Variants in ESYT2 observed in about 807,000 individuals in gnomAD.
The protein encoded by ESYT2 is extended synaptotagmin 2.
In ESYT2, 54 loss-of-function variants were observed where a neutral mutation model predicts 107.2. The ratio of observed to expected loss-of-function variants is 0.50; its 90% CI spans 0.40 to 0.63. ESYT2 has a LOEUF of 0.63. ESYT2 is among the 30% of genes least tolerant of loss of function. ESYT2 has a pLI of 0.00. For missense variants in ESYT2, 1,020 were observed against 1,094.5 expected, an observed-to-expected ratio of 0.93 and a Z score of 0.96; for synonymous variants, 491 against 434.1, an observed-to-expected ratio of 1.13 and a Z score of -1.63.
intron 13 of ESYT2, among the ~76,000 whole-genome samples, chr7:158,755,681 T>C (rs1364363456): frequency 6.6e-6 from 1 of 152,166 alleles, no homozygotes; most frequent in Non-Finnish European, 1.5e-5. Context: ...AAAAAGGCCT[T>C]AGACATATAT....
At chr7:158,811,832 A>G (rs1432407153) in intron 1 of ESYT2, among the ~76,000 whole-genome samples, 2 of 152,204 alleles carry the variant, frequency 1.3e-5, no homozygotes, top group African/African-American at 4.8e-5. Context: ...CCAGAATCTG[A>G]GGGGCCAAGA....
At chr7:158,811,534 C>A (rs562431167) in intron 1 of ESYT2, among the ~76,000 whole-genome samples, 5 of 152,298 alleles carry the variant, frequency 3.3e-5, no homozygotes, top group East Asian at 1.9e-4. Context: ...ATGAACCATG[C>A]GCGTTCACAG....
chr7:158,786,361 GT>G (rs1004590422), intron 6 of ESYT2, among the ~76,000 whole-genome samples: 24 of 152,128 alleles, frequency 1.6e-4, no homozygotes, highest in African/African-American at 5.5e-4. Flanking sequence ...GATTACTGAG[GT>G]TTTTTTGGTC....
chr7:158,813,642 T>A (rs1004228135), intron 1 of ESYT2, among the ~76,000 whole-genome samples: 1 of 152,178 alleles, frequency 6.6e-6, no homozygotes, highest in Non-Finnish European at 1.5e-5. Flanking sequence ...CTAAAAGAAA[T>A]ACTAAAGTAA....
At chr7:158,799,660 T>C (rs1839572643) in intron 1 of ESYT2, among the ~76,000 whole-genome samples, 1 of 152,122 alleles carries the variant, frequency 6.6e-6, no homozygotes. Context: ...TAAACTAAAA[T>C]AAAATTCACT....
chr7:158,733,271 G>A lies in ESYT2; in HGVS notation c.*936C>T, dbSNP rs1836806555. On this transcript the variant is annotated 3_prime_UTR_variant, in exon 23 of 23. Coordinates refer to ENST00000275418, the MANE Select transcript of ESYT2 (RefSeq NM_001367773.1). ...CAATCTACCTCACAACCTTTAAAAG[G>A]ACAACGTGTACCTTCCTTTTTTTAT... The A allele has an allele frequency of 1.3e-5, 2 of 152,178 alleles. No homozygotes were observed. The highest frequency in any genetic ancestry group is 4.8e-5 in the African/African-American group (2 of 41,426). 9.4% of individuals were successfully genotyped at this position (152,178 alleles called of 1,614,324 possible). A position where few individuals can be genotyped will look rare whatever the true frequency, so the allele number is the denominator to read the frequency against.
intron 1 of ESYT2, among the ~76,000 whole-genome samples, chr7:158,813,771 T>G (rs1476061026): frequency 1.3e-5 from 2 of 151,604 alleles, no homozygotes; most frequent in Non-Finnish European, 2.9e-5. Flanking sequence ...ATCAAAAACG[T>G]TTTAAAAATA....
rs572940872 is a variant in ESYT2 at position 158,821,800 on chromosome 7, GA to G, written c.330+7288del. On this transcript the variant is annotated intron_variant, in intron 1 of 22. Transcript: ENST00000275418. Reference sequence around the variant, plus strand: ...ATTTCCCTCCAGATGAGACGGCCCAGAAATCTGCCTTTGCAACTGTCCTCCA... The same window carrying G: ...ATTTCCCTCCAGATGAGACGGCCCAGAATCTGCCTTTGCAACTGTCCTCCA... Among the ~76,000 whole-genome samples, 3 of 152,312 alleles carry G rather than the reference GA, an allele frequency of 2.0e-5. No individual in the cohort carries two copies. In the South Asian group the frequency reaches 6.2e-4, roughly 32 times the overall value.
intron 1 of ESYT2, among the ~76,000 whole-genome samples, chr7:158,822,005 G>C (rs1046306011): frequency 3.3e-5 from 5 of 151,938 alleles, no homozygotes; most frequent in African/African-American, 9.7e-5. Flanking sequence ...CCGCCTCCCA[G>C]GTGCTTCTTC....
intron 17 of ESYT2, among the ~76,000 whole-genome samples, chr7:158,742,750 G>T (rs1303963735): frequency 6.6e-6 from 1 of 152,302 alleles, no homozygotes; most frequent in African/African-American, 2.4e-5. Flanking sequence ...CTGGTTTTAG[G>T]AAATAACGCT....
intron 17 of ESYT2, 109 bp downstream of exon 17, chr7:158,743,420 A>G: frequency 1.4e-6 from 2 of 1,416,602 alleles, no homozygotes; most frequent in South Asian, 1.3e-5. Context: ...CCAGAGCTGC[A>G]GCCGACACAG....
intron 1 of ESYT2, among the ~76,000 whole-genome samples, chr7:158,799,927 A>G (rs1839581445): frequency 6.6e-6 from 1 of 152,198 alleles, no homozygotes; most frequent in African/African-American, 2.4e-5. Flanking sequence ...GTTCAAGACC[A>G]GCCTGGCCAA....
Position 158,735,523 on chromosome 7 carries a change from C to G in ESYT2, c.2485G>C (p.Asp829His). 6.2e-7 allele frequency: 1 copy of G among 1,614,124 alleles called. No homozygotes were observed. Among genetic ancestry groups the G allele is most frequent in the South Asian group, 1.1e-5 (1 of 91,068 alleles). The change falls in exon 21 of 23, where the codon GAC becomes CAC. Residue 829 changes from aspartate (D) to histidine (H), a missense_variant. Coordinates refer to ENST00000275418, the MANE Select transcript of ESYT2 (RefSeq NM_001367773.1). Reference protein sequence around the residue: ...VKNSGGFLSKDKGLLGKVLVA... With the variant: ...VKNSGGFLSKHKGLLGKVLVA... Reference sequence around the variant, plus strand: ...CTTACTTTGCCAAGGAGCCCTTTGTCTTTGGACAGGAAGCCGCCACTGTTC... The same window carrying G: ...CTTACTTTGCCAAGGAGCCCTTTGTGTTTGGACAGGAAGCCGCCACTGTTC...
At chr7:158,788,750 TC>T (rs1839190167) in intron 4 of ESYT2, among the ~76,000 whole-genome samples, 1 of 152,264 alleles carries the variant, frequency 6.6e-6, no homozygotes, top group African/African-American at 2.4e-5. Context: ...AACTGCAACT[TC>T]TGAAGCAGTC....
At chr7:158,741,392 A>T in intron 18 of ESYT2, 131 bp downstream of exon 18, 1 of 1,337,292 alleles carries the variant, frequency 7.5e-7, no homozygotes, top group Non-Finnish European at 1.0e-6. Flanking sequence ...GCTTTCAGTT[A>T]ACCTAAGATT....
At chr7:158,762,062 C>G (rs1358527329) in intron 10 of ESYT2, among the ~76,000 whole-genome samples, 1 of 152,076 alleles carries the variant, frequency 6.6e-6, no homozygotes, top group African/African-American at 2.4e-5. Flanking sequence ...CTGCATTGAG[C>G]CCGATGGACG....
At position 158,764,741 on chromosome 7, in the gene ESYT2, T is replaced by C. The variant is rs772641366; in HGVS notation, c.1037A>G (p.Asn346Ser). Residue 346 changes from asparagine to serine, a missense_variant, in exon 9 of 23, where the codon AAC becomes AGC. Physicochemically the swap from Asn to Ser is conservative, Grantham distance 46 (BLOSUM62 1). Transcript: ENST00000275418. ...GATGACTCTGCTTTGGAAGATTTGGTTGCCAACTCTAATGATTCCATAGGG... is the reference window on the plus strand; with the variant it reads ...GATGACTCTGCTTTGGAAGATTTGGCTGCCAACTCTAATGATTCCATAGGG... ...SDPYGIIRVGNQIFQSRVIKE... is the reference protein window; with the variant it reads ...SDPYGIIRVGSQIFQSRVIKE... 2.5e-6 allele frequency: 4 copies of C among 1,614,184 alleles called. No homozygotes were observed. The highest frequency in any genetic ancestry group is 3.4e-6 in the Non-Finnish European group (4 of 1,180,022).
In ESYT2 at chr7:158,759,532, G is replaced by A; in HGVS notation, c.1373C>T (p.Ser458Phe). Residue 458 changes from serine to phenylalanine, a missense_variant, in exon 13 of 23, where the codon TCC becomes TTC. Transcript: ENST00000275418. ...CAAGTACAAGATCAGCAATGCAGAG[G>A]AAAGACCATCGTTGGCTTGGTCTTT... ...ADKDQANDGL[S>F]SALLILYLDS... 6.2e-7 allele frequency: 1 copy of A among 1,612,754 alleles called. No individual in the cohort carries two copies. Among genetic ancestry groups the A allele is most frequent in the Non-Finnish European group, 8.5e-7 (1 of 1,178,818 alleles).
intron 16 of ESYT2, among the ~76,000 whole-genome samples, chr7:158,745,336 C>T (rs756070880): frequency 1.3e-5 from 2 of 152,200 alleles, no homozygotes; most frequent in African/African-American, 2.4e-5. Context: ...TGTTCACACA[C>T]ACCTATCAAG....
Sources: gnomAD v4.1 joint callset for allele counts (sites outside exome capture counted in the v4.1 genomes callset) on GRCh38, gnomAD v4.1.1 for gene constraint, MANE v1.5 for transcripts, NCBI Gene and HGNC (gene_info 2026-07-23, HGNC 2026-07-21) for gene names.